The following EPHA4 variants were observed in gnomAD, a reference collection of about 807,000 sequenced individuals.
EPHA4 encodes EPH receptor A4.
In EPHA4, 19 loss-of-function variants were observed where a neutral mutation model predicts 108.3. That is an observed-to-expected ratio of 0.18 (90% CI 0.12 to 0.26). EPHA4 has a LOEUF of 0.26. EPHA4 is among the 10% of genes least tolerant of loss of function. The probability of loss-of-function intolerance (pLI) is 1.00; values close to 1 mark genes in which losing one functional copy is unlikely to be tolerated. For synonymous variants in EPHA4, 449 were observed against 455.5 expected, an observed-to-expected ratio of 0.99 and a Z score of 0.18; for missense variants, 917 against 1,254.0, an observed-to-expected ratio of 0.73 and a Z score of 4.06.
At chr2:221,452,774 C>A (rs977082043) in intron 8 of EPHA4, among the ~76,000 whole-genome samples, 5 of 151,984 alleles carry the variant, frequency 3.3e-5, no homozygotes, top group African/African-American at 1.2e-4. Context: ...AGGCTCAATT[C>A]TCTAAGGTGG....
intron 3 of EPHA4, among the ~76,000 whole-genome samples, chr2:221,520,537 CACACACAGAGAG>C (rs1693133594): frequency 2.8e-5 from 1 of 36,022 alleles, no homozygotes; most frequent in South Asian, 5.4e-4. Flanking sequence ...CACACACACA[CACACACAGAGAG>C]AGAGAGAGAG....
At chr2:221,458,329 A>G (rs1299781699) in intron 5 of EPHA4, among the ~76,000 whole-genome samples, 1 of 152,192 alleles carries the variant, frequency 6.6e-6, no homozygotes, top group Non-Finnish European at 1.5e-5. Context: ...AAGCCATAAC[A>G]GCCTTTGGAA....
intron 1 of EPHA4, among the ~76,000 whole-genome samples, chr2:221,570,809 T>TGGACGGAC (rs374741538): frequency 1.3e-5 from 2 of 151,672 alleles, no homozygotes; most frequent in African/African-American, 4.8e-5. Flanking sequence ...GAGGGATGGA[T>TGGACGGAC]GGACGGACGG....
At chr2:221,437,398 T>C (rs1690274113) in intron 11 of EPHA4, 2 of 309,414 alleles carry the variant, frequency 6.5e-6, no homozygotes, top group African/African-American at 4.3e-5. Flanking sequence ...AGCATATGAA[T>C]GGATAATTGC....
At chr2:221,459,288 G>GCGCA (rs1204065061) in intron 5 of EPHA4, among the ~76,000 whole-genome samples, 1 of 140,054 alleles carries the variant, frequency 7.1e-6, no homozygotes, top group Non-Finnish European at 1.5e-5. Context: ...GGTAACAGGC[G>GCGCA]CACACACACA....
chr2:221,453,131 G>A lies in EPHA4; in HGVS notation c.1715+2416C>T, dbSNP rs773523423. ...GGACTACAACTAGAGAATGTTTCCA[G>A]TCAAGTCAAAGAGATGGTCAAGACA... is the stretch of plus-strand genomic sequence containing the variant. On this transcript the variant is annotated intron_variant, in intron 8 of 17. Transcript: ENST00000281821. Among the ~76,000 whole-genome samples the A allele has an allele frequency of 6.3e-4, 96 of 152,292 alleles. 1 individual carries two copies. The highest frequency in any genetic ancestry group is 1.1e-3 in the Non-Finnish European group (75 of 68,022).
chr2:221,546,481 T>G (rs571296205), intron 3 of EPHA4, among the ~76,000 whole-genome samples: 1 of 152,050 alleles, frequency 6.6e-6, no homozygotes, highest in Non-Finnish European at 1.5e-5. Context: ...TTTCCTTTTT[T>G]CCCCTCCACC....
At chr2:221,424,476 C>CAAA (rs201109701) in intron 17 of EPHA4, among the ~76,000 whole-genome samples, 3 of 140,190 alleles carry the variant, frequency 2.1e-5, no homozygotes, top group East Asian at 2.2e-4. Flanking sequence ...TGAAATAACT[C>CAAA]AAAAAAAAAA....
chr2:221,480,929 T>C (rs1691798561), intron 5 of EPHA4, among the ~76,000 whole-genome samples: 1 of 152,228 alleles, frequency 6.6e-6, no homozygotes, highest in African/African-American at 2.4e-5. Context: ...TGAGTGCACT[T>C]ACTGAAACAT....
chr2:221,481,424 G>T (rs1355098448), intron 5 of EPHA4, among the ~76,000 whole-genome samples: 1 of 151,372 alleles, frequency 6.6e-6, no homozygotes, highest in African/African-American at 2.4e-5. Context: ...GGCCAAGGTG[G>T]GCGGATCACG....
intron 1 of EPHA4, among the ~76,000 whole-genome samples, chr2:221,570,747 AATGGATGGATGG>A (rs1261129821): frequency 1.3e-5 from 2 of 151,948 alleles, no homozygotes; most frequent in Non-Finnish European, 2.9e-5. Flanking sequence ...TGGAAAGATG[AATGGATGGATGG>A]ATGGGTGGAT....
intron 3 of EPHA4, among the ~76,000 whole-genome samples, chr2:221,543,253 C>T (rs2710495): frequency 0.59 from 89,522 of 152,006 alleles, 27,638 homozygotes; most frequent in African/African-American, 0.78. Context: ...GTTGAAGAAA[C>T]TGTGGTACAT....
At chr2:221,537,229 G>A (rs1215202939) in intron 3 of EPHA4, among the ~76,000 whole-genome samples, 1 of 152,198 alleles carries the variant, frequency 6.6e-6, no homozygotes, top group East Asian at 1.9e-4. Flanking sequence ...TAAATCCAAG[G>A]ATGCTGGAGA....
chr2:221,435,257 C>A (rs76089793), intron 13 of EPHA4, among the ~76,000 whole-genome samples: 2,021 of 152,244 alleles, frequency 0.013, 19 homozygotes, highest in Admixed American at 0.017. Context: ...GTACTGCATT[C>A]CCCCCTGCTT....
At chr2:221,482,002 T>C (rs982619616) in intron 5 of EPHA4, among the ~76,000 whole-genome samples, 2 of 152,160 alleles carry the variant, frequency 1.3e-5, no homozygotes, top group African/African-American at 4.8e-5. Context: ...ACTGCTGGGC[T>C]CAAGCAATCC....
intron 5 of EPHA4, among the ~76,000 whole-genome samples, chr2:221,478,277 C>T (rs1691719784): frequency 6.6e-6 from 1 of 152,116 alleles, no homozygotes; most frequent in South Asian, 2.1e-4. Flanking sequence ...TTCATTTATA[C>T]AGTATTTCTC....
intron 3 of EPHA4, among the ~76,000 whole-genome samples, chr2:221,558,877 T>C (rs768416760): frequency 3.0e-4 from 45 of 152,202 alleles, no homozygotes; most frequent in Non-Finnish European, 8.8e-5. Flanking sequence ...AGCCATGTGA[T>C]TCAAGCAATT....
At position 221,572,154 on chromosome 2, in the gene EPHA4, T is replaced by C. The variant is rs1247404404; in HGVS notation, c.91+4A>G. The C allele has an allele frequency of 6.2e-7, 1 of 1,613,182 alleles. No individual in the cohort carries two copies. The highest frequency in any genetic ancestry group is 1.1e-5 in the South Asian group (1 of 91,058). ...CGACCACAGAAAGGCCGTCCCGCTC[T>C]TACCTTCATTCGCGGGGTATACCCT... On this transcript the variant is annotated splice_donor_region_variant and intron_variant, in intron 1 of 17. Coordinates refer to ENST00000281821, the MANE Select transcript of EPHA4 (RefSeq NM_004438.5).
chr2:221,520,353 A>G (rs1392397187), intron 3 of EPHA4, among the ~76,000 whole-genome samples: 1 of 152,206 alleles, frequency 6.6e-6, no homozygotes. Context: ...TCTATCAAGC[A>G]TTGCTACACT....
Sources: gnomAD v4.1 joint callset for allele counts (sites outside exome capture counted in the v4.1 genomes callset) on GRCh38, gnomAD v4.1.1 for gene constraint, MANE v1.5 for transcripts, NCBI Gene and HGNC (gene_info 2026-07-23, HGNC 2026-07-21) for gene names.